The following ATP13A5 variants were observed in gnomAD, a reference collection of about 807,000 sequenced individuals.
ATP13A5 encodes the protein ATPase 13A5, also known as probable cation-transporting ATPase 13A5.
In ATP13A5, 149 loss-of-function variants were observed where a neutral mutation model predicts 150.2. The observed-to-expected ratio is 0.99, with a 90% CI of 0.87 to 1.14. ATP13A5 has a LOEUF of 1.14. ATP13A5 is among the 50% of genes most tolerant of loss of function. The pLI, the probability that ATP13A5 is intolerant of heterozygous loss-of-function variation, is 0.00. For missense variants in ATP13A5, 1,383 were observed against 1,449.3 expected, an observed-to-expected ratio of 0.95 and a Z score of 0.74; for synonymous variants, 497 against 522.2, an observed-to-expected ratio of 0.95 and a Z score of 0.66.
intron 5 of ATP13A5, among the ~76,000 whole-genome samples, chr3:193,356,310 G>A (rs1223129873): frequency 6.6e-6 from 1 of 151,740 alleles, no homozygotes; most frequent in Non-Finnish European, 1.5e-5. Flanking sequence ...CCACTATAAT[G>A]TAAGCTTCCA....
chr3:193,377,412 A>G (rs1018910786), intron 1 of ATP13A5, among the ~76,000 whole-genome samples: 1 of 152,236 alleles, frequency 6.6e-6, no homozygotes, highest in Non-Finnish European at 1.5e-5. Flanking sequence ...TACCTAAGCT[A>G]TCTAAAATAT....
At position 193,280,298 on chromosome 3, in the gene ATP13A5, C is replaced by T. The variant is rs144326355; in HGVS notation, c.3227-844G>A. ...TCGAACTCCTGACCTGCGATCCACC[C>T]GCCTCGGCCTCCCAAAGTGCTATGA... On this transcript the variant is annotated intron_variant, in intron 27 of 29. Transcript: ENST00000342358. Among the ~76,000 whole-genome samples, 600 of 152,220 alleles carry T rather than the reference C, an allele frequency of 3.9e-3. 3 individuals carry two copies. Among genetic ancestry groups the T allele is most frequent in the African/African-American group, 0.014 (580 of 41,514 alleles).
chr3:193,329,954 TC>T (rs1426472352), intron 12 of ATP13A5, among the ~76,000 whole-genome samples: 3 of 152,066 alleles, frequency 2.0e-5, no homozygotes, highest in African/African-American at 7.2e-5. Context: ...AAGTAAAGGC[TC>T]CTATTCTGCT....
intron 5 of ATP13A5, among the ~76,000 whole-genome samples, chr3:193,359,731 T>C (rs1577370475): frequency 6.6e-6 from 1 of 152,212 alleles, no homozygotes; most frequent in Admixed American, 6.5e-5. Flanking sequence ...TATCAAAGCT[T>C]TTTTTCTTCC....
chr3:193,329,350 T>C (rs764888272), intron 12 of ATP13A5, among the ~76,000 whole-genome samples: 17 of 152,164 alleles, frequency 1.1e-4, no homozygotes, highest in Non-Finnish European at 2.5e-4. Flanking sequence ...CGTGTCATCA[T>C]GCCCTGCAGA....
intron 12 of ATP13A5, among the ~76,000 whole-genome samples, 193 bp downstream of exon 12, chr3:193,330,930 G>C (rs1347358742): frequency 6.6e-6 from 1 of 152,176 alleles, no homozygotes; most frequent in Non-Finnish European, 1.5e-5. Flanking sequence ...TGCTGGCTAA[G>C]CTGCTAACCT....
intron 9 of ATP13A5, among the ~76,000 whole-genome samples, chr3:193,338,160 C>T (rs574370239): frequency 6.6e-6 from 1 of 152,256 alleles, no homozygotes; most frequent in South Asian, 2.1e-4. Flanking sequence ...TCTAAATATA[C>T]AATCATGTCA....
intron 8 of ATP13A5, 120 bp downstream of exon 8, chr3:193,344,883 G>T: frequency 2.0e-6 from 2 of 1,004,584 alleles, no homozygotes; most frequent in Non-Finnish European, 3.1e-6. Context: ...CCTCACCCTC[G>T]TCCCAGTTCT....
intron 1 of ATP13A5, among the ~76,000 whole-genome samples, chr3:193,375,756 T>C (rs1463800920): frequency 1.3e-5 from 2 of 152,108 alleles, no homozygotes; most frequent in African/African-American, 4.8e-5. Flanking sequence ...ATGGGAATGA[T>C]AACAGGGTTC....
At chr3:193,367,724 CAGA>C (rs1449407587) in intron 1 of ATP13A5, among the ~76,000 whole-genome samples, 1 of 152,086 alleles carries the variant, frequency 6.6e-6, no homozygotes, top group African/African-American at 2.4e-5. Context: ...GAAGGAAACT[CAGA>C]AGGCCATCTC....
At chr3:193,361,190 A>G (rs1712993940) in intron 5 of ATP13A5, among the ~76,000 whole-genome samples, 1 of 152,192 alleles carries the variant, frequency 6.6e-6, no homozygotes, top group Admixed American at 6.5e-5. Context: ...AAACCAATAT[A>G]TTTTAATAAC....
chr3:193,327,409 C>A (rs746607634), intron 12 of ATP13A5, among the ~76,000 whole-genome samples: 6 of 152,158 alleles, frequency 3.9e-5, no homozygotes, highest in Non-Finnish European at 8.8e-5. Context: ...TTAGTTGTCA[C>A]CTGCTATCTC....
intron 17 of ATP13A5, 88 bp downstream of exon 17, chr3:193,318,903 G>A: frequency 3.4e-6 from 3 of 890,158 alleles, no homozygotes; most frequent in Non-Finnish European, 5.6e-6. Context: ...AGCCTTCCAG[G>A]TGATTAGAAC....
intron 11 of ATP13A5, among the ~76,000 whole-genome samples, chr3:193,333,017 C>T (rs1287117736): frequency 2.0e-5 from 3 of 152,080 alleles, no homozygotes; most frequent in African/African-American, 4.8e-5. Context: ...CAGAAATGCT[C>T]CCTGGGAGCT....
intron 19 of ATP13A5, chr3:193,313,771 C>T: frequency 2.6e-6 from 1 of 390,910 alleles, no homozygotes; most frequent in Non-Finnish European, 4.6e-6. Flanking sequence ...ACTGGAATTG[C>T]TGGGAAAAGC....
chr3:193,290,083 C>T, intron 25 of ATP13A5, 24 bp from the exon 26 acceptor site: 1 of 1,576,572 alleles, frequency 6.3e-7, no homozygotes, highest in Non-Finnish European at 8.6e-7. Flanking sequence ...ACATTTTTTT[C>T]CTATTACAAT....
chr3:193,367,828 A>T (rs1048040917), intron 1 of ATP13A5, among the ~76,000 whole-genome samples: 4 of 152,194 alleles, frequency 2.6e-5, no homozygotes, highest in African/African-American at 7.2e-5. Flanking sequence ...AACATCTTTA[A>T]GCAACATCAT....
chr3:193,360,831 C>T (rs1441017162), intron 5 of ATP13A5, among the ~76,000 whole-genome samples: 5 of 152,128 alleles, frequency 3.3e-5, no homozygotes, highest in Non-Finnish European at 5.9e-5. Flanking sequence ...TACAGGCCAC[C>T]ACGCCTGGCT....
intron 27 of ATP13A5, among the ~76,000 whole-genome samples, chr3:193,284,192 G>A (rs575019842): frequency 1.8e-4 from 27 of 151,546 alleles, no homozygotes; most frequent in African/African-American, 6.3e-4. Flanking sequence ...CAGCTAATTT[G>A]TAAAAGTGTT....
Sources: gnomAD v4.1 joint callset for allele counts (sites outside exome capture counted in the v4.1 genomes callset) on GRCh38, gnomAD v4.1.1 for gene constraint, MANE v1.5 for transcripts, NCBI Gene and HGNC (gene_info 2026-07-23, HGNC 2026-07-21) for gene names.